KIF16B: variants seen among roughly 807,000 people sequenced by gnomAD.
The protein encoded by KIF16B is kinesin-like protein KIF16B.
KIF16B carries 98 observed loss-of-function variants against 156.3 expected under a neutral mutation model. That is an observed-to-expected ratio of 0.63 (90% confidence interval 0.53 to 0.74). The LOEUF (loss-of-function observed/expected upper bound fraction) is 0.74. Among genes scored for constraint, KIF16B ranks in the 30% least tolerant of loss-of-function variants. KIF16B has a pLI of 0.00. For synonymous variants in KIF16B, 564 were observed against 583.7 expected (o/e 0.97, Z 0.49); for missense variants, 1,421 against 1,606.5 (o/e 0.88, Z 1.97).
intron 12 of KIF16B, among the ~76,000 whole-genome samples, chr20:16,440,171 A>T (rs535016635): frequency 1.3e-5 from 2 of 152,142 alleles, no homozygotes; most frequent in Non-Finnish European, 2.9e-5. Context: ...CCAGAGAAGG[A>T]GAGGTCAGGA....
chr20:16,310,271 T>A (rs539900825), intron 25 of KIF16B, among the ~76,000 whole-genome samples: 60 of 152,298 alleles, frequency 3.9e-4, no homozygotes, highest in Admixed American at 6.5e-4. Context: ...GACATTAACA[T>A]AAAACTCTGC....
intron 22 of KIF16B, chr20:16,368,461 G>A (rs1186508357): frequency 4.1e-6 from 4 of 986,214 alleles, no homozygotes; most frequent in Admixed American, 1.2e-4. Context: ...TCTGACGAAT[G>A]TTGTTACCTG....
At chr20:16,405,958 C>A (rs939817218) in intron 16 of KIF16B, among the ~76,000 whole-genome samples, 2 of 152,118 alleles carry the variant, frequency 1.3e-5, no homozygotes, top group African/African-American at 2.4e-5. Flanking sequence ...TTGTCCTAAA[C>A]CCACCCCTGC....
chr20:16,274,914 C>T (rs779790754), intron 25 of KIF16B, among the ~76,000 whole-genome samples: 17 of 152,168 alleles, frequency 1.1e-4, no homozygotes, highest in Non-Finnish European at 1.3e-4. Context: ...TTCTACTCAA[C>T]GAGAATTTGT....
intron 11 of KIF16B, among the ~76,000 whole-genome samples, chr20:16,496,369 G>A (rs2068452574): frequency 6.6e-6 from 1 of 152,214 alleles, no homozygotes; most frequent in Non-Finnish European, 1.5e-5. Flanking sequence ...AGCAATTCTA[G>A]CTTAGAAAAA....
intron 24 of KIF16B, among the ~76,000 whole-genome samples, chr20:16,325,264 T>C (rs1018756705): frequency 6.6e-6 from 1 of 151,864 alleles, no homozygotes; most frequent in African/African-American, 2.4e-5. Flanking sequence ...ATGCACACTT[T>C]CACCAATTCT....
intron 12 of KIF16B, among the ~76,000 whole-genome samples, chr20:16,490,224 T>C (rs1227463275): frequency 6.6e-6 from 1 of 152,120 alleles, no homozygotes; most frequent in Non-Finnish European, 1.5e-5. Context: ...AATGAGGTTA[T>C]TAGGATGGGT....
chr20:16,480,179 G>A (rs1331842392), intron 12 of KIF16B, among the ~76,000 whole-genome samples: 1 of 152,060 alleles, frequency 6.6e-6, no homozygotes, highest in Non-Finnish European at 1.5e-5. Flanking sequence ...GGCTCCAAGG[G>A]CATATTCAAA....
At chr20:16,452,529 A>G (rs2146612488) in intron 12 of KIF16B, among the ~76,000 whole-genome samples, 1 of 152,264 alleles carries the variant, frequency 6.6e-6, no homozygotes, top group East Asian at 1.9e-4. Context: ...ACAGGGATGC[A>G]GAAGAAAATG....
At chr20:16,405,903 T>C (rs2273424) in intron 16 of KIF16B, among the ~76,000 whole-genome samples, 11,589 of 152,166 alleles carry the variant, frequency 0.076, 519 homozygotes, top group South Asian at 0.12. Context: ...TTAAACGTCC[T>C]GCCCTTTAGA....
intron 12 of KIF16B, among the ~76,000 whole-genome samples, chr20:16,464,474 A>T (rs80212773): frequency 0.034 from 5,250 of 152,310 alleles, 295 homozygotes; most frequent in African/African-American, 0.12. Context: ...CACCAGATGC[A>T]TTTTAAAAAG....
At chr20:16,420,283 T>C (rs2066193694) in intron 15 of KIF16B, among the ~76,000 whole-genome samples, 2 of 152,146 alleles carry the variant, frequency 1.3e-5, no homozygotes, top group African/African-American at 4.8e-5. Context: ...CTGACATAAG[T>C]GAGGCAGTTA....
chr20:16,509,154 A>G (rs532469627), intron 6 of KIF16B, among the ~76,000 whole-genome samples: 1 of 152,364 alleles, frequency 6.6e-6, no homozygotes, highest in South Asian at 2.1e-4. Context: ...AACATTCTGT[A>G]TCAGTTAAGG....
chr20:16,504,444 G>C lies in KIF16B; in HGVS notation c.1104C>G (p.Ala368=). 6.2e-7 allele frequency: 1 copy of C among 1,614,064 alleles called. No individual in the cohort carries two copies. The highest frequency in any genetic ancestry group is 8.5e-7 in the Non-Finnish European group (1 of 1,179,968). ...IINKPTINED[A]NVKLIRELRA... The stretch of plus-strand genomic sequence containing the variant: ...GCAGCTCACGGATAAGTTTGACGTT[G>C]GCATCCTCATTAATGGTAGGCTTGT... Residue 368 remains alanine, a synonymous_variant, in exon 10 of 26, where the codon GCC becomes GCG. Coordinates refer to ENST00000354981, the MANE Select transcript of KIF16B (RefSeq NM_024704.5).
intron 17 of KIF16B, among the ~76,000 whole-genome samples, chr20:16,388,038 T>C (rs2065269446): frequency 6.6e-6 from 1 of 152,200 alleles, no homozygotes. Flanking sequence ...CTGTGACCAG[T>C]CTCTAAATAG....
chr20:16,367,169 T>C, intron 22 of KIF16B: 1 of 1,602,998 alleles, frequency 6.2e-7, no homozygotes, highest in East Asian at 2.2e-5. Flanking sequence ...AAATGTGAGA[T>C]TAGCCAAAGA....
intron 12 of KIF16B, among the ~76,000 whole-genome samples, chr20:16,431,772 A>C (rs1426872544): frequency 6.6e-6 from 1 of 151,690 alleles, no homozygotes; most frequent in African/African-American, 2.4e-5. Context: ...GTCTCTGCTC[A>C]AAAGCCACTC....
At chr20:16,399,936 C>T (rs1162039035) in intron 17 of KIF16B, among the ~76,000 whole-genome samples, 1 of 152,222 alleles carries the variant, frequency 6.6e-6, no homozygotes, top group Non-Finnish European at 1.5e-5. Context: ...TCAGTTCAGG[C>T]CCTCACCTCT....
At chr20:16,367,462 C>A in intron 22 of KIF16B, 1 of 1,612,856 alleles carries the variant, frequency 6.2e-7, no homozygotes, top group Non-Finnish European at 8.5e-7. Context: ...GTTTCGAGAT[C>A]GAATGCGTGG....
Sources: gnomAD v4.1 joint callset for allele counts (sites outside exome capture counted in the v4.1 genomes callset) on GRCh38, gnomAD v4.1.1 for gene constraint, MANE v1.5 for transcripts, NCBI Gene and HGNC (gene_info 2026-07-23, HGNC 2026-07-21) for gene names.